The following EVC variants were observed in gnomAD, a reference collection of about 807,000 sequenced individuals.
The protein encoded by EVC is evC complex member EVC.
In EVC, 116 loss-of-function variants were observed where a neutral mutation model predicts 118.9. The observed-to-expected ratio is 0.98, with a 90% CI of 0.84 to 1.14. The LOEUF (loss-of-function observed/expected upper bound fraction) is 1.14. Ranked by LOEUF, EVC falls within the 50% of genes most tolerant of loss-of-function variation. EVC has a pLI of 0.00. For synonymous variants in EVC, 619 were observed against 534.7 expected, an observed-to-expected ratio of 1.16 and a Z score of -2.18; for missense variants, 1,401 against 1,246.4, an observed-to-expected ratio of 1.12 and a Z score of -1.87.
At chr4:5,758,851 CAA>C (rs748367300) in intron 11 of EVC, among the ~76,000 whole-genome samples, 2 of 152,300 alleles carry the variant, frequency 1.3e-5, no homozygotes, top group East Asian at 1.9e-4. Flanking sequence ...AGTATGTAAA[CAA>C]GAGACCACAG....
rs757581914 is a variant in EVC, at chr4:5,810,348, T to C, written c.2792T>C (p.Leu931Pro). 6.2e-7 allele frequency: 1 copy of C among 1,613,450 alleles called. No individual in the cohort carries two copies. Among genetic ancestry groups the C allele is most frequent in the Non-Finnish European group, 8.5e-7 (1 of 1,179,766 alleles). ...CATCTGTCCTCTACAGAGAAGCCCC[T>C]AAGGACTAAAAGGAAGAAGCCCCTG... is the stretch of plus-strand genomic sequence containing the variant. Reference protein sequence around the residue: ...PAKRGLLEKPLRTKRKKPLPQ... With the variant: ...PAKRGLLEKPPRTKRKKPLPQ... Residue 931 changes from leucine (L) to proline (P), a missense_variant, in exon 20 of 21, where the codon CTA (leucine) becomes CCA (proline). Coordinates refer to ENST00000264956, the MANE Select transcript of EVC (RefSeq NM_153717.3).
At position 5,801,875 on chromosome 4, in the gene EVC, C is replaced by G. The variant is rs376209818; in HGVS notation, c.2305-75C>G. On this transcript the variant is annotated intron_variant, in intron 15 of 20. Transcript: ENST00000264956. ...AGATCTGAACCAGGGCATGGGGAGG[C>G]AGGGACTGGATGGGCCGTGGGTGGC... 4.0e-5 allele frequency: 61 copies of G among 1,534,662 alleles called. 1 individual carries two copies. In the East Asian group the frequency reaches 9.6e-4, roughly 24 times the overall value.
intron 5 of EVC, among the ~76,000 whole-genome samples, chr4:5,736,591 C>G (rs879776609): frequency 6.6e-6 from 1 of 151,182 alleles, no homozygotes; most frequent in Admixed American, 6.6e-5. Context: ...TCCAACAGCA[C>G]ATGCTCACTT....
Position 5,793,805 on chromosome 4 carries a change from G to A in EVC, c.1886+88G>A, listed in dbSNP as rs908783057. On this transcript the variant is annotated intron_variant, in intron 13 of 20. Coordinates refer to ENST00000264956, the MANE Select transcript of EVC (RefSeq NM_153717.3). ...GTGTCCTCATCTGTACAGTGGGCACGCTGACTGCCCCTCAGCTTCCTTTGA... is the reference window on the plus strand; with the variant it reads ...GTGTCCTCATCTGTACAGTGGGCACACTGACTGCCCCTCAGCTTCCTTTGA... 36 of 987,040 alleles carry A rather than the reference G, an allele frequency of 3.6e-5. No homozygotes were observed. The South Asian group carries it at 3.9e-4, about 11-fold the overall frequency. 61.1% of individuals were successfully genotyped at this position (987,040 alleles called of 1,614,324 possible).
chr4:5,728,126 T>C (rs925542250), intron 2 of EVC, among the ~76,000 whole-genome samples: 3 of 152,208 alleles, frequency 2.0e-5, no homozygotes, highest in African/African-American at 7.2e-5. Context: ...ATTGGCTGCT[T>C]GTTGGGGATG....
In EVC at chr4:5,737,778, C is replaced by G. The variant is rs184629981; in HGVS notation, c.703-3938C>G. ...TGGTCATTTTCAAAACCCCTGGTCA[C>G]CCGAGAGCTCTGATGAAGATGTACA... On this transcript the variant is annotated intron_variant, in intron 5 of 20. Coordinates refer to ENST00000264956, the MANE Select transcript of EVC (RefSeq NM_153717.3). The surrounding 1 kb of genome is among the most constrained non-coding windows in gnomAD (Gnocchi z 5.0). Among the ~76,000 whole-genome samples the G allele has an allele frequency of 3.9e-5, 6 of 152,324 alleles. No homozygotes were observed. Among genetic ancestry groups the G allele is most frequent in the African/African-American group, 1.4e-4 (6 of 41,564 alleles).
chr4:5,759,181 C>T (rs577235000), intron 11 of EVC, among the ~76,000 whole-genome samples: 1 of 152,230 alleles, frequency 6.6e-6, no homozygotes, highest in African/African-American at 2.4e-5. Context: ...GTGTTTTTTA[C>T]TATTATAATG....
At chr4:5,712,969 T>C (rs1723289095) in intron 1 of EVC, among the ~76,000 whole-genome samples, 1 of 152,226 alleles carries the variant, frequency 6.6e-6, no homozygotes, top group African/African-American at 2.4e-5. Context: ...GCAAGGGTGT[T>C]TGTCCAGGGT....
chr4:5,795,720 G>A (rs2152335489), intron 13 of EVC, among the ~76,000 whole-genome samples: 1 of 152,352 alleles, frequency 6.6e-6, no homozygotes, highest in East Asian at 1.9e-4. Flanking sequence ...CACCTGGTGA[G>A]CCATACTGAG....
chr4:5,821,551 A>C, the EVC span: 1 of 566,226 alleles, frequency 1.8e-6, no homozygotes, highest in South Asian at 2.5e-5. The surrounding 1 kb of genome is among the most constrained non-coding windows in gnomAD (Gnocchi z 4.4). Flanking sequence ...TGGATTCAGC[A>C]TGAACACAAC....
chr4:5,720,254 C>T (rs1348131956), intron 2 of EVC, among the ~76,000 whole-genome samples: 1 of 152,176 alleles, frequency 6.6e-6, no homozygotes, highest in African/African-American at 2.4e-5. Context: ...ACACCTCTCA[C>T]CTGTGAGTGA....
At chr4:5,758,439 G>T in intron 11 of EVC, 1 of 256,964 alleles carries the variant, frequency 3.9e-6, no homozygotes, top group East Asian at 7.9e-5. Context: ...AGATTCATGA[G>T]GAAGACACTG....
chr4:5,753,873 G>A lies in EVC; in HGVS notation c.1404G>A (p.Glu468=), dbSNP rs764643954. Residue 468 remains glutamate (E), a synonymous_variant, in exon 10 of 21, where the codon GAG becomes GAA. Coordinates refer to ENST00000264956, the MANE Select transcript of EVC (RefSeq NM_153717.3). ...GTAKLTLAQE[E]EQRSFLAEAQ... Reference sequence around the variant, plus strand: ...CAAAACTCACGCTGGCCCAAGAGGAGGAACAGAGAAGCTTCCTGGCTGAGG... The same window carrying A: ...CAAAACTCACGCTGGCCCAAGAGGAAGAACAGAGAAGCTTCCTGGCTGAGG... 6.2e-7 allele frequency: 1 copy of A among 1,613,904 alleles called. No individual in the cohort carries two copies. Among genetic ancestry groups the A allele is most frequent in the East Asian group, 2.2e-5 (1 of 44,892 alleles).
At chr4:5,821,829 A>ATTG in the EVC span, 1 of 1,597,902 alleles carries the variant, frequency 6.3e-7, no homozygotes, top group Middle Eastern at 1.7e-4. The surrounding 1 kb of genome is among the most constrained non-coding windows in gnomAD (Gnocchi z 4.4). Context: ...TGCGCCTGGG[A>ATTG]TTGTTGTCAT....
intron 7 of EVC, among the ~76,000 whole-genome samples, chr4:5,747,472 A>G (rs1206688487): frequency 6.6e-6 from 1 of 152,222 alleles, no homozygotes; most frequent in Non-Finnish European, 1.5e-5. Context: ...ATACTTTATC[A>G]TGATATCAAA....
rs1728885476 is a variant in EVC, at chr4:5,743,304, T to C, written c.801+1490T>C. ...GTGATCAGAAAACAAGTCCTGCCAG[T>C]CTCCTACCTCACCTTATCCTCACCA... is the stretch of plus-strand genomic sequence containing the variant. On this transcript the variant is annotated intron_variant, in intron 6 of 20. Coordinates refer to ENST00000264956, the MANE Select transcript of EVC (RefSeq NM_153717.3). This position sits in a 1 kb window ranked among gnomAD's most constrained non-coding sequence, Gnocchi z 4.7. Among the ~76,000 whole-genome samples the C allele has an allele frequency of 6.6e-6, 1 of 152,128 alleles. No individual in the cohort carries two copies. Among genetic ancestry groups the C allele is most frequent in the Non-Finnish European group, 1.5e-5 (1 of 68,016 alleles).
the EVC span, chr4:5,825,907 A>T: frequency 0.036 from 18,603 of 517,750 alleles, 430 homozygotes; most frequent in African/African-American, 0.056. This position sits in a 1 kb window ranked among gnomAD's most constrained non-coding sequence, Gnocchi z 4.4. Context: ...ACAGACGCAC[A>T]CACCACGCAC....
At position 5,756,337 on chromosome 4, in the gene EVC, C is replaced by T; in HGVS notation, c.1538C>T (p.Thr513Ile). The T allele has an allele frequency of 6.2e-7, 1 of 1,611,686 alleles. No individual in the cohort carries two copies. The highest frequency in any genetic ancestry group is 8.5e-7 in the Non-Finnish European group (1 of 1,179,276). ...DLEEEENVRA[T>I]EAVVALCQEL... ...GAGGAAGAGGAGAATGTCAGAGCCA[C>T]CGAGGCTGTGGTTGCACTCTGCCAG... The change falls in exon 11 of 21, where the codon ACC becomes ATC. Residue 513 changes from threonine (T) to isoleucine (I), a missense_variant. Thr to Ile is a moderately conservative substitution (Grantham distance 89). Coordinates refer to ENST00000264956, the MANE Select transcript of EVC (RefSeq NM_153717.3). This position sits in a 1 kb window ranked among gnomAD's most constrained non-coding sequence, Gnocchi z 4.2.
At position 5,731,333 on chromosome 4, in the gene EVC, C is replaced by T. The variant is rs553323614; in HGVS notation, c.385-92C>T. 1.1e-4 allele frequency: 117 copies of T among 1,102,526 alleles called. 1 individual carries two copies. The East Asian group carries it at 1.6e-3, about 15-fold the overall frequency. 68.3% of individuals were successfully genotyped at this position (1,102,526 alleles called of 1,614,324 possible). ...TCCTCCAGGCAGACCTTCCTGTGAGCGGCTAGCGTGAATCACTGGTAGAAT... is the reference window on the plus strand; with the variant it reads ...TCCTCCAGGCAGACCTTCCTGTGAGTGGCTAGCGTGAATCACTGGTAGAAT... On this transcript the variant is annotated intron_variant, in intron 3 of 20. Transcript: ENST00000264956. This position sits in a 1 kb window ranked among gnomAD's most constrained non-coding sequence, Gnocchi z 5.6.
Sources: allele counts gnomAD v4.1 joint callset (sites outside exome capture counted in the v4.1 genomes callset), GRCh38; gene constraint gnomAD v4.1.1; non-coding constraint Gnocchi (gnomAD v3.1); transcripts MANE v1.5; gene names NCBI Gene and HGNC (gene_info 2026-07-23, HGNC 2026-07-21).